Variants in SYT1 observed in about 807,000 individuals in gnomAD.
SYT1 encodes the protein synaptotagmin-1.
SYT1 carries 8 observed loss-of-function variants against 44.8 expected under a neutral mutation model. The observed-to-expected ratio is 0.18, with a 90% CI of 0.10 to 0.32. The LOEUF (loss-of-function observed/expected upper bound fraction) is 0.32, where lower values mean the gene tolerates loss of function less well. SYT1 is among the 10% of genes least tolerant of loss of function. The pLI is 1.00. For missense variants in SYT1, 286 were observed against 509.3 expected (o/e 0.56, Z 4.22); for synonymous variants, 154 against 188.8 (o/e 0.82, Z 1.51).
intron 3 of SYT1, among the ~76,000 whole-genome samples, chr12:79,065,190 T>C (rs758319284): frequency 6.6e-5 from 10 of 152,076 alleles, no homozygotes; most frequent in Non-Finnish European, 1.5e-4. Flanking sequence ...CTGGGCAACA[T>C]GGTGAAAACC....
intron 4 of SYT1, among the ~76,000 whole-genome samples, chr12:79,244,123 C>CTTTAACG (rs1876680669): frequency 2.0e-5 from 3 of 152,132 alleles, no homozygotes; most frequent in Non-Finnish European, 4.4e-5. Context: ...ATTCTGGGCA[C>CTTTAACG]TTTAACGTAC....
At chr12:79,137,223 G>A (rs1223671341) in intron 3 of SYT1, among the ~76,000 whole-genome samples, 1 of 151,934 alleles carries the variant, frequency 6.6e-6, no homozygotes, top group East Asian at 1.9e-4. Context: ...AGCCTTCCGA[G>A]TAGCTGGGAT....
At chr12:78,959,544 A>G (rs935426986) in intron 1 of SYT1, among the ~76,000 whole-genome samples, 1 of 152,150 alleles carries the variant, frequency 6.6e-6, no homozygotes, top group Non-Finnish European at 1.5e-5. Flanking sequence ...TGCTACCTTA[A>G]AATGTAAATG....
intron 1 of SYT1, among the ~76,000 whole-genome samples, chr12:78,875,723 AGT>A (rs1360253145): frequency 5.3e-5 from 8 of 151,676 alleles, no homozygotes; most frequent in Admixed American, 2.0e-4. Flanking sequence ...ATATGTTTCC[AGT>A]GTGTGTTCAT....
intron 9 of SYT1, among the ~76,000 whole-genome samples, chr12:79,376,053 T>A (rs563165280): frequency 6.6e-6 from 1 of 152,314 alleles, no homozygotes; most frequent in East Asian, 1.9e-4. Flanking sequence ...TTGAGCAAGT[T>A]CTCATTACAC....
rs548525260 is a variant in SYT1, at chr12:79,343,745, G to A, written c.811-9757G>A. ...ATATTGTGCTATACCAATATATGATGTGTTTTATAAAACATATAAATGAAA... is the reference window on the plus strand; with the variant it reads ...ATATTGTGCTATACCAATATATGATATGTTTTATAAAACATATAAATGAAA... On this transcript the variant is annotated intron_variant, in intron 8 of 10. Coordinates refer to ENST00000261205, the MANE Select transcript of SYT1 (RefSeq NM_005639.3). Among the ~76,000 whole-genome samples the A allele has an allele frequency of 2.0e-5, 3 of 152,220 alleles. No individual in the cohort carries two copies. The East Asian group carries it at 5.8e-4, about 29-fold the overall frequency.
chr12:79,334,478 G>A (rs567344235), intron 8 of SYT1, among the ~76,000 whole-genome samples: 5 of 152,186 alleles, frequency 3.3e-5, no homozygotes, highest in East Asian at 1.9e-4. Context: ...GGAAAGGCTC[G>A]GCGAGGATAT....
chr12:79,285,441 C>G (rs1404924589), intron 4 of SYT1, among the ~76,000 whole-genome samples: 2 of 152,110 alleles, frequency 1.3e-5, no homozygotes, highest in African/African-American at 2.4e-5. Context: ...GATCACACAG[C>G]TAGTAAATGG....
At position 79,449,274 on chromosome 12, in the gene SYT1, A is replaced by T. The variant is rs933150863; in HGVS notation, c.*150A>T. Reference sequence around the variant, plus strand: ...TTGGAATCCTGTTTTAATTTGCACAAATTTAAATGTAGAGAGCCCCTAAGT... The same window carrying T: ...TTGGAATCCTGTTTTAATTTGCACATATTTAAATGTAGAGAGCCCCTAAGT... On this transcript the variant is annotated 3_prime_UTR_variant, in exon 11 of 11. Transcript: ENST00000261205. 7.2e-6 allele frequency: 6 copies of T among 833,080 alleles called. No individual in the cohort carries two copies. The highest frequency in any genetic ancestry group is 9.2e-6 in the Non-Finnish European group (5 of 543,178). 51.6% of individuals were successfully genotyped at this position (833,080 alleles called of 1,614,324 possible).
intron 1 of SYT1, among the ~76,000 whole-genome samples, chr12:78,933,145 T>C (rs1044161409): frequency 6.6e-6 from 1 of 152,168 alleles, no homozygotes; most frequent in African/African-American, 2.4e-5. Flanking sequence ...ATCTAGGGCA[T>C]AGATATTTCC....
intron 9 of SYT1, among the ~76,000 whole-genome samples, chr12:79,361,348 T>G (rs563868863): frequency 8.6e-4 from 131 of 152,262 alleles, no homozygotes; most frequent in African/African-American, 3.0e-3. Context: ...TTGACAGAGC[T>G]AGGATGTCAA....
chr12:79,163,147 G>A (rs1871049780), intron 3 of SYT1, among the ~76,000 whole-genome samples: 1 of 152,052 alleles, frequency 6.6e-6, no homozygotes, highest in South Asian at 2.1e-4. Context: ...CACTGAGTGG[G>A]ACACCTACTG....
At chr12:78,868,651 C>T (rs1873665536) in intron 1 of SYT1, 1 of 151,738 alleles carries the variant, frequency 6.6e-6, no homozygotes, top group Non-Finnish European at 1.5e-5. Flanking sequence ...GGTTTAGAAA[C>T]TCATGGACAG....
At chr12:79,025,055 A>T (rs1872438307) in intron 2 of SYT1, among the ~76,000 whole-genome samples, 2 of 151,852 alleles carry the variant, frequency 1.3e-5, no homozygotes, top group South Asian at 4.1e-4. Flanking sequence ...GCAAAAGCTT[A>T]CAGATGTATA....
At chr12:79,418,545 C>T (rs937824308) in intron 9 of SYT1, among the ~76,000 whole-genome samples, 6 of 152,082 alleles carry the variant, frequency 3.9e-5, no homozygotes, top group Admixed American at 2.0e-4. Context: ...GTGACTTCAC[C>T]ACCCCCACTG....
At chr12:79,157,444 A>G (rs931242014) in intron 3 of SYT1, among the ~76,000 whole-genome samples, 2 of 152,210 alleles carry the variant, frequency 1.3e-5, no homozygotes, top group African/African-American at 4.8e-5. Flanking sequence ...CTTTTTTGAA[A>G]TAGAAAGTGA....
At chr12:79,150,873 G>A (rs1409303410) in intron 3 of SYT1, among the ~76,000 whole-genome samples, 1 of 152,154 alleles carries the variant, frequency 6.6e-6, no homozygotes, top group Non-Finnish European at 1.5e-5. Context: ...ACAGCCAGGA[G>A]TCATTAGCAG....
chr12:79,182,338 G>A (rs1218578401), intron 3 of SYT1, among the ~76,000 whole-genome samples: 1 of 151,856 alleles, frequency 6.6e-6, no homozygotes, highest in Non-Finnish European at 1.5e-5. Flanking sequence ...TTGGTGTCAT[G>A]GTTTTCTTCC....
chr12:78,869,985 C>G (rs1873735814), intron 1 of SYT1, among the ~76,000 whole-genome samples: 1 of 152,048 alleles, frequency 6.6e-6, no homozygotes, highest in Non-Finnish European at 1.5e-5. Context: ...TAAAGAGGAG[C>G]TCTAGAAAAT....
Sources: gnomAD v4.1 joint callset for allele counts (sites outside exome capture counted in the v4.1 genomes callset) on GRCh38, gnomAD v4.1.1 for gene constraint, MANE v1.5 for transcripts, NCBI Gene and HGNC (gene_info 2026-07-23, HGNC 2026-07-21) for gene names.